The following COP1 variants were observed in gnomAD, a reference collection of about 807,000 sequenced individuals.
COP1 encodes the protein E3 ubiquitin-protein ligase COP1.
A neutral mutation model predicts 101.3 loss-of-function variants in COP1; 24 were observed. The observed-to-expected ratio is 0.24, with a 90% CI of 0.17 to 0.33. The LOEUF (loss-of-function observed/expected upper bound fraction) is 0.33, where lower values mean the gene tolerates loss of function less well. Ranked by LOEUF, COP1 falls within the 10% of genes least tolerant of loss-of-function variation. The pLI is 1.00. For synonymous variants in COP1, 347 were observed against 341.9 expected (o/e 1.01, Z -0.17); for missense variants, 663 against 906.2 (o/e 0.73, Z 3.45).
At chr1:176,120,438 AAAAAAAAGCTTAAT>A (rs1686928276) in intron 8 of COP1, among the ~76,000 whole-genome samples, 2 of 152,256 alleles carry the variant, frequency 1.3e-5, no homozygotes, top group South Asian at 4.1e-4. Flanking sequence ...AAAAAATAAA[AAAAAAAAGCTTAAT>A]AAAGACATCA....
rs143702230 is a variant in COP1, at chr1:176,079,617, T to C, written c.1277+1535A>G. Among the ~76,000 whole-genome samples, 390 of 151,878 alleles carry C rather than the reference T, an allele frequency of 2.6e-3. 3 individuals carry two copies. The highest frequency in any genetic ancestry group is 9.0e-3 in the African/African-American group (372 of 41,400). On this transcript the variant is annotated intron_variant, in intron 11 of 19. Coordinates refer to ENST00000367669, the MANE Select transcript of COP1 (RefSeq NM_022457.7). ...TATACCCATGTAACAAACCTGCTTA[T>C]GTACCCTTTAATCTATAATTAAAAA...
chr1:176,183,815 A>G (rs552529879), intron 2 of COP1, among the ~76,000 whole-genome samples: 1 of 152,314 alleles, frequency 6.6e-6, no homozygotes, highest in Admixed American at 6.5e-5. Context: ...CACTGAAGAC[A>G]TTATGCTAAG....
chr1:176,142,490 G>C (rs995399049), intron 6 of COP1, among the ~76,000 whole-genome samples: 1 of 151,996 alleles, frequency 6.6e-6, no homozygotes, highest in Non-Finnish European at 1.5e-5. Flanking sequence ...AAGATAATGA[G>C]ACAGTAATAG....
intron 19 of COP1, 150 bp downstream of exon 19, chr1:175,947,045 C>T (rs1032156968): frequency 3.0e-6 from 2 of 659,072 alleles, no homozygotes; most frequent in African/African-American, 1.8e-5. Context: ...GCTACCTATT[C>T]TTTTCCCTTA....
chr1:176,014,493 T>C (rs558816391), intron 15 of COP1, among the ~76,000 whole-genome samples: 13 of 152,236 alleles, frequency 8.5e-5, no homozygotes, highest in Non-Finnish European at 1.6e-4. Context: ...AAACAGGTGG[T>C]TACATTCTGT....
At chr1:176,088,033 T>C (rs1306495914) in intron 9 of COP1, among the ~76,000 whole-genome samples, 5 of 152,038 alleles carry the variant, frequency 3.3e-5, no homozygotes, top group African/African-American at 1.2e-4. Flanking sequence ...ATGTTCTCAC[T>C]CATAGGTGGG....
At chr1:176,005,467 C>T (rs939789619) in intron 15 of COP1, among the ~76,000 whole-genome samples, 14 of 151,938 alleles carry the variant, frequency 9.2e-5, no homozygotes, top group African/African-American at 2.9e-4. Flanking sequence ...TGGATCTTTC[C>T]TGCTTTCTCT....
chr1:176,043,119 G>C, intron 14 of COP1, 67 bp downstream of exon 14: 1 of 894,908 alleles, frequency 1.1e-6, no homozygotes, highest in Non-Finnish European at 1.8e-6. Flanking sequence ...TATTTCTGCC[G>C]ATGAAAGGAA....
At chr1:176,043,640 A>C in intron 13 of COP1, 70 bp downstream of exon 13, 1 of 876,550 alleles carries the variant, frequency 1.1e-6, no homozygotes, top group Admixed American at 1.9e-5. Flanking sequence ...TATAAGGCAC[A>C]TGAAGTTCTA....
intron 11 of COP1, among the ~76,000 whole-genome samples, chr1:176,057,989 G>A (rs1359208336): frequency 2.4e-5 from 2 of 83,410 alleles, no homozygotes; most frequent in Non-Finnish European, 6.7e-5. Context: ...TGGCCGCCCC[G>A]TCTGAGAGGT....
intron 2 of COP1, among the ~76,000 whole-genome samples, chr1:176,183,600 G>C (rs1303791128): frequency 1.3e-5 from 2 of 152,086 alleles, no homozygotes; most frequent in African/African-American, 4.8e-5. Context: ...TTCCACTTCT[G>C]AGTATACACC....
intron 8 of COP1, among the ~76,000 whole-genome samples, chr1:176,120,547 G>A (rs1248999905): frequency 6.6e-6 from 1 of 152,128 alleles, no homozygotes; most frequent in African/African-American, 2.4e-5. Context: ...TAATGAAACA[G>A]TTCTTAATGT....
At chr1:176,045,434 C>T (rs1350908604) in intron 12 of COP1, among the ~76,000 whole-genome samples, 3 of 151,792 alleles carry the variant, frequency 2.0e-5, no homozygotes, top group African/African-American at 4.8e-5. Context: ...ACTATGTATG[C>T]CATTCATTAA....
rs145238539 is a variant in COP1 at position 176,098,910 on chromosome 1, G to A, written c.1027-13020C>T. On this transcript the variant is annotated intron_variant, in intron 9 of 19. Transcript: ENST00000367669. ...TCCAAATGAGGGGTAAACAGAACACGTTTACTTACATGAGATTGCCAAAAT... is the reference window on the plus strand; with the variant it reads ...TCCAAATGAGGGGTAAACAGAACACATTTACTTACATGAGATTGCCAAAAT... Among the ~76,000 whole-genome samples the A allele has an allele frequency of 2.6e-3, 398 of 152,170 alleles. 2 individuals are homozygous for A. Among genetic ancestry groups the A allele is most frequent in the Non-Finnish European group, 2.5e-3 (172 of 67,996 alleles).
intron 15 of COP1, among the ~76,000 whole-genome samples, chr1:175,994,752 T>A (rs1260697228): frequency 6.6e-6 from 1 of 152,196 alleles, no homozygotes; most frequent in African/African-American, 2.4e-5. Flanking sequence ...AAGCAAGTCC[T>A]GAGTGACCTA....
chr1:176,118,555 G>C (rs956902535), intron 8 of COP1, among the ~76,000 whole-genome samples: 3 of 152,276 alleles, frequency 2.0e-5, no homozygotes, highest in Admixed American at 2.0e-4. Context: ...TGGAGCCTAG[G>C]AGTTTAAGAC....
At chr1:175,974,299 G>C (rs1017609333) in intron 18 of COP1, among the ~76,000 whole-genome samples, 1 of 152,186 alleles carries the variant, frequency 6.6e-6, no homozygotes, top group Non-Finnish European at 1.5e-5. Flanking sequence ...TACTGGTTTT[G>C]CATTTGTAAG....
At chr1:176,151,303 A>G (rs1010959822) in intron 5 of COP1, among the ~76,000 whole-genome samples, 3 of 149,606 alleles carry the variant, frequency 2.0e-5, no homozygotes, top group Non-Finnish European at 3.0e-5. Context: ...AGAAAGAAAG[A>G]AAGGAGAGAA....
rs778738988 is a variant in COP1, at chr1:176,206,649, G to T, written c.330C>A (p.Ser110Arg). Residue 110 changes from serine (S) to arginine (R), a missense_variant, in exon 1 of 20, where the codon AGC becomes AGA. Ser to Arg is a moderately radical substitution (Grantham distance 110). Transcript: ENST00000367669. Reference sequence around the variant, plus strand: ...GGGGGGCGAGGAGAGGTCGCTTCCTGCTGCCGCTGCCTAGGCTGGAGCTGC... The same window carrying T: ...GGGGGGCGAGGAGAGGTCGCTTCCTTCTGCCGCTGCCTAGGCTGGAGCTGC... ...GGSSSSLGSGSRKRPLLAPLC... is the reference protein window; with the variant it reads ...GGSSSSLGSGRRKRPLLAPLC... 1 of 1,611,544 alleles carries T rather than the reference G, an allele frequency of 6.2e-7. No homozygotes were observed. The highest frequency in any genetic ancestry group is 1.1e-5 in the South Asian group (1 of 91,082).
Sources: gnomAD v4.1 joint callset for allele counts (sites outside exome capture counted in the v4.1 genomes callset) on GRCh38, gnomAD v4.1.1 for gene constraint, MANE v1.5 for transcripts, NCBI Gene and HGNC (gene_info 2026-07-23, HGNC 2026-07-21) for gene names.